NR1D2: variants seen among roughly 807,000 people sequenced by gnomAD.
NR1D2 encodes the protein V-erbA-related protein 1-related.
In NR1D2, 25 loss-of-function variants were observed where a neutral mutation model predicts 52.2. The ratio of observed to expected loss-of-function variants is 0.48; its 90% confidence interval spans 0.35 to 0.67. NR1D2 has a LOEUF of 0.67. Ranked by LOEUF, NR1D2 falls within the 30% of genes least tolerant of loss-of-function variation. The pLI is 0.01. For synonymous variants in NR1D2, 259 were observed against 230.1 expected, an observed-to-expected ratio of 1.13 and a Z score of -1.14; for missense variants, 681 against 707.2, an observed-to-expected ratio of 0.96 and a Z score of 0.42.
rs1351954635 is a variant in NR1D2 at position 23,950,902 on chromosome 3, C to CTTTTTCT, written c.17-3630_17-3629insCTTTTTT. ...TTTCTTTTCTTTTCTCTTTCTTTTT[C>CTTTTTCT]TTTTTTTTTTTTTTTTTTTGAGATG... On this transcript the variant is annotated intron_variant, in intron 1 of 7. Transcript: ENST00000312521. Among the ~76,000 whole-genome samples the CTTTTTCT allele has an allele frequency of 7.1e-3, 872 of 123,108 alleles. 14 individuals are homozygous for CTTTTTCT. Among genetic ancestry groups the CTTTTTCT allele is most frequent in the African/African-American group, 0.027 (843 of 30,660 alleles). The allele number at this position is 123,108 out of a possible 152,430, so 80.8% of individuals were successfully genotyped here.
chr3:23,969,295 A>C (rs1261907440), intron 7 of NR1D2, among the ~76,000 whole-genome samples: 1 of 151,658 alleles, frequency 6.6e-6, no homozygotes, highest in Non-Finnish European at 1.5e-5. Flanking sequence ...GTTAAAAAAC[A>C]AAAACAAAAA....
Position 23,968,016 on chromosome 3 carries a change from A to G in NR1D2, c.1536A>G (p.Val512=), listed in dbSNP as rs1376147733. 1 of 1,613,880 alleles carries G rather than the reference A, an allele frequency of 6.2e-7. No individual in the cohort carries two copies. The highest frequency in any genetic ancestry group is 8.5e-7 in the Non-Finnish European group (1 of 1,179,854). ...GTTTGTTTACAGCTGTTGTCCTGGTATCTGCAGGTAAGCAAGCTGGTTCAA... is the reference window on the plus strand; with the variant it reads ...GTTTGTTTACAGCTGTTGTCCTGGTGTCTGCAGGTAAGCAAGCTGGTTCAA... ...EMSLFTAVVL[V]SADRSGIENV... is the part of the protein sequence containing the mutation. Residue 512 remains valine (V), a synonymous_variant, in exon 7 of 8, where the codon GTA becomes GTG. Coordinates refer to ENST00000312521, the MANE Select transcript of NR1D2 (RefSeq NM_005126.5).
Position 23,977,608 on chromosome 3 carries a change from G to A in NR1D2, c.*189G>A, listed in dbSNP as rs191415159. The A allele has an allele frequency of 1.1e-4, 45 of 411,900 alleles. No homozygotes were observed. Among genetic ancestry groups the A allele is most frequent in the African/African-American group, 2.0e-5 (1 of 49,386 alleles). 25.5% of individuals were successfully genotyped at this position (411,900 alleles called of 1,614,324 possible). On this transcript the variant is annotated 3_prime_UTR_variant, in exon 8 of 8. Coordinates refer to ENST00000312521, the MANE Select transcript of NR1D2 (RefSeq NM_005126.5). ...CTTCAGCCATGATTAGACGTTGACT[G>A]CATCTCCCTGATAGACCAATCAGCT...
intron 1 of NR1D2, 131 bp downstream of exon 1, chr3:23,945,725 G>A: frequency 1.7e-6 from 1 of 604,296 alleles, no homozygotes; most frequent in Non-Finnish European, 2.2e-6. Flanking sequence ...CGCGCCGCGT[G>A]TCCGCCTCTG....
At position 23,967,896 on chromosome 3, in the gene NR1D2, T is replaced by C. The variant is rs756452378; in HGVS notation, c.1416T>C (p.Asp472=). The C allele has an allele frequency of 6.2e-7, 1 of 1,614,106 alleles. No homozygotes were observed. The highest frequency in any genetic ancestry group is 8.5e-7 in the Non-Finnish European group (1 of 1,179,948). Residue 472 remains aspartate (D), a synonymous_variant, in exon 7 of 8, where the codon GAT becomes GAC. Coordinates refer to ENST00000312521, the MANE Select transcript of NR1D2 (RefSeq NM_005126.5). ...TFLSGKKYSV[D]DLHSMGAGDL... Reference sequence around the variant, plus strand: ...TAAGTGGAAAGAAATATAGTGTGGATGATTTACACTCAATGGGAGCAGGGG... The same window carrying C: ...TAAGTGGAAAGAAATATAGTGTGGACGATTTACACTCAATGGGAGCAGGGG...
intron 5 of NR1D2, chr3:23,964,633 G>C (rs1450599454): frequency 6.1e-6 from 1 of 164,718 alleles, no homozygotes; most frequent in Non-Finnish European, 1.3e-5. Flanking sequence ...AATTGAATTT[G>C]TTTGCAAAAT....
rs1480685827 is a variant in NR1D2 at position 23,977,894 on chromosome 3, A to C, written c.*475A>C. ...TTAGGAGATCTCCATGTCTGTATTT[A>C]CTCTACCACTGCTAAAGTGTGTGGT... On this transcript the variant is annotated 3_prime_UTR_variant, in exon 8 of 8. Coordinates refer to ENST00000312521, the MANE Select transcript of NR1D2 (RefSeq NM_005126.5). 6.6e-6 allele frequency: 1 copy of C among 150,890 alleles called. No homozygotes were observed. Among genetic ancestry groups the C allele is most frequent in the Non-Finnish European group, 1.5e-5 (1 of 68,142 alleles). 9.3% of individuals were successfully genotyped at this position (150,890 alleles called of 1,614,324 possible). A position where few individuals can be genotyped will look rare whatever the true frequency, so the allele number is the denominator to read the frequency against.
rs73822606 is a variant in NR1D2 at position 23,957,860 on chromosome 3, G to A, written c.372+1735G>A. Reference sequence around the variant, plus strand: ...CTGTGCAGTACTCTTAAAATGTCTAGTTCAGCTCTTGTAGTATCTAAGTCA... The same window carrying A: ...CTGTGCAGTACTCTTAAAATGTCTAATTCAGCTCTTGTAGTATCTAAGTCA... On this transcript the variant is annotated intron_variant, in intron 3 of 7. Transcript: ENST00000312521. 3.7e-3 allele frequency among the ~76,000 whole-genome samples: 556 copies of A among 152,234 alleles called. 7 individuals carry two copies. Among genetic ancestry groups the A allele is most frequent in the African/African-American group, 0.013 (533 of 41,546 alleles).
At chr3:23,971,934 G>A (rs1328550169) in intron 7 of NR1D2, among the ~76,000 whole-genome samples, 1 of 152,178 alleles carries the variant, frequency 6.6e-6, no homozygotes, top group African/African-American at 2.4e-5. Flanking sequence ...TACTTACAGT[G>A]TTCACACAGT....
At chr3:23,958,920 G>A (rs983613106) in intron 3 of NR1D2, among the ~76,000 whole-genome samples, 2 of 152,198 alleles carry the variant, frequency 1.3e-5, no homozygotes, top group East Asian at 1.9e-4. Flanking sequence ...CTGCACTCCA[G>A]CCCGGGCTAC....
intron 4 of NR1D2, among the ~76,000 whole-genome samples, chr3:23,961,157 A>C (rs1475013472): frequency 6.6e-6 from 1 of 151,962 alleles, no homozygotes; most frequent in African/African-American, 2.4e-5. Context: ...AGATAATTTC[A>C]TAGTTAGATC....
chr3:23,956,704 T>C (rs1706089493), intron 3 of NR1D2, among the ~76,000 whole-genome samples: 1 of 152,256 alleles, frequency 6.6e-6, no homozygotes, highest in East Asian at 1.9e-4. Flanking sequence ...TTTCTAGTTA[T>C]TGCTATTAGA....
chr3:23,964,092 T>G (rs1173892800), intron 5 of NR1D2, among the ~76,000 whole-genome samples: 1 of 151,766 alleles, frequency 6.6e-6, no homozygotes, highest in Non-Finnish European at 1.5e-5. Context: ...CTTTTTTTTT[T>G]TTTCGAGACG....
chr3:23,966,855 C>T (rs985222166), intron 6 of NR1D2, among the ~76,000 whole-genome samples: 4 of 151,958 alleles, frequency 2.6e-5, no homozygotes, highest in African/African-American at 9.7e-5. Flanking sequence ...CATGGTGAAA[C>T]CCTGTCTCTA....
chr3:23,955,958 G>T lies in NR1D2; in HGVS notation c.284-79G>T. ...TTCTAAAAGCTCTTACACGTTGAATGAAATAAAATATCTAATTGGAAAGAA... is the reference window on the plus strand; with the variant it reads ...TTCTAAAAGCTCTTACACGTTGAATTAAATAAAATATCTAATTGGAAAGAA... On this transcript the variant is annotated intron_variant, in intron 2 of 7. Coordinates refer to ENST00000312521, the MANE Select transcript of NR1D2 (RefSeq NM_005126.5). 10 of 983,904 alleles carry T rather than the reference G, an allele frequency of 1.0e-5. No homozygotes were observed. The South Asian group carries it at 1.1e-4, about 11-fold the overall frequency. 60.9% of individuals were successfully genotyped at this position (983,904 alleles called of 1,614,324 possible).
rs757147696 is a variant in NR1D2, at chr3:23,957,498, C to T, written c.372+1373C>T. 3.7e-3 allele frequency among the ~76,000 whole-genome samples: 521 copies of T among 142,658 alleles called. 2 individuals carry two copies. Among genetic ancestry groups the T allele is most frequent in the Non-Finnish European group, 4.6e-3 (305 of 65,942 alleles). 93.6% of individuals were successfully genotyped at this position (142,658 alleles called of 152,430 possible). On this transcript the variant is annotated intron_variant, in intron 3 of 7. Coordinates refer to ENST00000312521, the MANE Select transcript of NR1D2 (RefSeq NM_005126.5). ...TTGGGAGGCCGAGGCGGGCGGATCA[C>T]GAGGTCAGGAGATCGAGACCATCCT...
chr3:23,973,176 G>A (rs911706998), intron 7 of NR1D2, among the ~76,000 whole-genome samples: 11 of 152,016 alleles, frequency 7.2e-5, no homozygotes. Flanking sequence ...TCAGTTTTCG[G>A]TATTATAAAT....
At chr3:23,959,135 G>T (rs1486004779) in intron 3 of NR1D2, among the ~76,000 whole-genome samples, 3 of 152,088 alleles carry the variant, frequency 2.0e-5, no homozygotes, top group Non-Finnish European at 4.4e-5. Flanking sequence ...GGGTGTGGTG[G>T]CGCATGCCTG....
chr3:23,964,042 C>T (rs1706370334), intron 5 of NR1D2, among the ~76,000 whole-genome samples: 2 of 150,754 alleles, frequency 1.3e-5, no homozygotes, highest in East Asian at 3.9e-4. Flanking sequence ...TCAGTGATCA[C>T]AGCATTGTTT....
Sources: allele counts gnomAD v4.1 joint callset (sites outside exome capture counted in the v4.1 genomes callset), GRCh38; gene constraint gnomAD v4.1.1; transcripts MANE v1.5; gene names NCBI Gene and HGNC (gene_info 2026-07-23, HGNC 2026-07-21).